The following SPAG16 variants were observed in gnomAD, a reference collection of about 807,000 sequenced individuals.
The protein encoded by SPAG16 is sperm associated antigen 16, also known as sperm-associated antigen 16 protein.
Under a neutral mutation model 80.4 loss-of-function variants are expected in SPAG16, and 86 were observed. The observed-to-expected ratio is 1.07, with a 90% CI of 0.90 to 1.28. SPAG16 has a LOEUF of 1.28. SPAG16 is among the 50% of genes most tolerant of loss of function. SPAG16 has a pLI of 0.00. For synonymous variants in SPAG16, 294 were observed against 265.9 expected (o/e 1.11, Z -1.03); for missense variants, 870 against 765.3 (o/e 1.14, Z -1.61).
chr2:214,295,920 C>T, intron 15 of SPAG16, among the ~76,000 whole-genome samples: 1 of 152,112 alleles, frequency 6.6e-6, no homozygotes, highest in East Asian at 1.9e-4. Context: ...ATTTTAGATT[C>T]AGGGGATATA....
chr2:213,510,621 G>A (rs962737634), intron 10 of SPAG16, among the ~76,000 whole-genome samples: 3 of 152,134 alleles, frequency 2.0e-5, no homozygotes, highest in African/African-American at 7.2e-5. Flanking sequence ...AGCAATGTGG[G>A]TTTTCGCGTT....
intron 15 of SPAG16, among the ~76,000 whole-genome samples, chr2:214,367,491 A>T (rs1006396283): frequency 2.0e-5 from 3 of 152,210 alleles, no homozygotes; most frequent in Non-Finnish European, 4.4e-5. Flanking sequence ...TGGATTAATG[A>T]CATTTTAGTA....
chr2:213,412,152 C>T (rs2069008578), intron 9 of SPAG16, among the ~76,000 whole-genome samples: 1 of 152,170 alleles, frequency 6.6e-6, no homozygotes, highest in Non-Finnish European at 1.5e-5. Flanking sequence ...CTAACACATT[C>T]TGATCACCTG....
chr2:213,761,521 A>T (rs1014706523), intron 10 of SPAG16, among the ~76,000 whole-genome samples: 1 of 152,194 alleles, frequency 6.6e-6, no homozygotes, highest in African/African-American at 2.4e-5. Flanking sequence ...AAATAAACTA[A>T]TAAAAAATGA....
At chr2:214,326,019 C>G (rs919808780) in intron 15 of SPAG16, among the ~76,000 whole-genome samples, 13 of 152,158 alleles carry the variant, frequency 8.5e-5, no homozygotes, top group Non-Finnish European at 1.6e-4. Flanking sequence ...TGAATAGCCC[C>G]TTCCATCCTA....
At chr2:213,817,246 T>TTATATATATGATATATATA (rs2072606821) in intron 10 of SPAG16, among the ~76,000 whole-genome samples, 1 of 141,620 alleles carries the variant, frequency 7.1e-6, no homozygotes, top group Admixed American at 7.0e-5. Context: ...ATATATATAC[T>TTATATATATGATATATATA]TATATATATG....
chr2:213,300,255 T>A (rs188037123), intron 3 of SPAG16, among the ~76,000 whole-genome samples: 86 of 152,242 alleles, frequency 5.6e-4, no homozygotes, highest in African/African-American at 2.0e-3. Context: ...TCCTCTTTCT[T>A]CTCCCTTCCC....
chr2:213,613,671 AGTTAG>A (rs1241777729), intron 10 of SPAG16, among the ~76,000 whole-genome samples: 1 of 152,062 alleles, frequency 6.6e-6, no homozygotes, highest in Admixed American at 6.5e-5. Flanking sequence ...CATATTTTTT[AGTTAG>A]GTTTATTGTT....
intron 9 of SPAG16, among the ~76,000 whole-genome samples, chr2:213,466,383 T>C (rs1456913369): frequency 2.0e-5 from 3 of 152,182 alleles, no homozygotes; most frequent in Non-Finnish European, 4.4e-5. Flanking sequence ...TTTCAATTGG[T>C]GAAAGGCCCT....
At chr2:213,505,985 CT>C (rs1205234339) in intron 10 of SPAG16, among the ~76,000 whole-genome samples, 2 of 151,644 alleles carry the variant, frequency 1.3e-5, no homozygotes, top group Non-Finnish European at 2.9e-5. Context: ...TAATATAGCT[CT>C]TTATGTACTT....
In SPAG16 at chr2:214,033,159, A is replaced by T. The variant is rs550690023; in HGVS notation, c.1527+19082A>T. 5.9e-5 allele frequency among the ~76,000 whole-genome samples: 9 copies of T among 152,332 alleles called. No homozygotes were observed. The South Asian group carries it at 1.9e-3, about 32-fold the overall frequency. The stretch of plus-strand genomic sequence containing the variant: ...ATGTGTAATAACTAATAAACCGATA[A>T]AGTAGGTGACAACTGCAGCAAATGC... On this transcript the variant is annotated intron_variant, in intron 13 of 15. Transcript: ENST00000331683.
At chr2:213,646,957 T>C (rs1364511028) in intron 10 of SPAG16, among the ~76,000 whole-genome samples, 1 of 152,072 alleles carries the variant, frequency 6.6e-6, no homozygotes, top group Non-Finnish European at 1.5e-5. Flanking sequence ...ATCTTAGCAA[T>C]ATAAACATAA....
At chr2:214,080,653 T>C (rs920406210) in intron 13 of SPAG16, among the ~76,000 whole-genome samples, 1 of 149,904 alleles carries the variant, frequency 6.7e-6, no homozygotes, top group African/African-American at 2.4e-5. Context: ...AAAAGAAAAA[T>C]TCTAACCACA....
intron 10 of SPAG16, among the ~76,000 whole-genome samples, chr2:213,676,622 C>G (rs915602131): frequency 6.6e-6 from 1 of 152,158 alleles, no homozygotes; most frequent in Non-Finnish European, 1.5e-5. Flanking sequence ...AAGGCCTTTT[C>G]TGCATCTATT....
chr2:214,354,114 ACCT>A (rs779279378), intron 15 of SPAG16, among the ~76,000 whole-genome samples: 1 of 70,648 alleles, frequency 1.4e-5, no homozygotes, highest in East Asian at 3.3e-4. Flanking sequence ...AAATATATAT[ACCT>A]ACTATGTACC....
At chr2:213,879,484 C>T (rs1160494070) in intron 11 of SPAG16, among the ~76,000 whole-genome samples, 2 of 151,682 alleles carry the variant, frequency 1.3e-5, no homozygotes, top group South Asian at 2.1e-4. Flanking sequence ...TGATGATTAT[C>T]AGTATATAGA....
intron 15 of SPAG16, among the ~76,000 whole-genome samples, chr2:214,177,068 T>C (rs12612907): frequency 0.3 from 45,015 of 150,972 alleles, 8,384 homozygotes; most frequent in Non-Finnish European, 0.41. Flanking sequence ...ATTTCAAGAA[T>C]TATGTTTGGA....
chr2:213,945,300 CACAA>C (rs2079396893), intron 12 of SPAG16, among the ~76,000 whole-genome samples: 2 of 141,838 alleles, frequency 1.4e-5, no homozygotes, highest in East Asian at 4.2e-4. Flanking sequence ...CATATATATA[CACAA>C]GTATATATAT....
intron 13 of SPAG16, among the ~76,000 whole-genome samples, chr2:214,018,377 G>A (rs2047694424): frequency 6.6e-6 from 1 of 152,118 alleles, no homozygotes; most frequent in Non-Finnish European, 1.5e-5. Context: ...ATATGGAATT[G>A]TTAGTTGTTT....
Sources: allele counts gnomAD v4.1 joint callset (sites outside exome capture counted in the v4.1 genomes callset), GRCh38; gene constraint gnomAD v4.1.1; transcripts MANE v1.5; gene names NCBI Gene and HGNC (gene_info 2026-07-23, HGNC 2026-07-21).